Variants in JPH3 observed in about 807,000 individuals in gnomAD.
JPH3 encodes the protein junctophilin 3.
Under a neutral mutation model 59.6 loss-of-function variants are expected in JPH3, and 11 were observed. That is an observed-to-expected ratio of 0.18 (90% confidence interval 0.12 to 0.31). The LOEUF (loss-of-function observed/expected upper bound fraction) is 0.31, where lower values mean the gene tolerates loss of function less well. Among genes scored for constraint, JPH3 ranks in the 10% least tolerant of loss-of-function variants. JPH3 has a pLI of 1.00. For missense variants in JPH3, 1,202 were observed against 1,105.7 expected (o/e 1.09, Z -1.24); for synonymous variants, 673 against 483.6 (o/e 1.39, Z -5.14).
intron 3 of JPH3, among the ~76,000 whole-genome samples, chr16:87,685,979 G>A (rs11863673): frequency 0.12 from 18,764 of 152,150 alleles, 1,328 homozygotes; most frequent in African/African-American, 0.17. Context: ...GTGAGTCCTA[G>A]ATCCACGCGG....
chr16:87,690,575 C>T (rs753736905), intron 4 of JPH3, 49 bp downstream of exon 4: 4 of 1,417,814 alleles, frequency 2.8e-6, no homozygotes, highest in Non-Finnish European at 3.7e-6. Flanking sequence ...ACATCCACCT[C>T]TCTGCTGACC....
At position 87,611,902 on chromosome 16, in the gene JPH3, A is replaced by G. The variant is rs186100845; in HGVS notation, c.382+8374A>G. ...CTAAGAATGTCCCTGGGAGACGGTT[A>G]GAAATGCAGCGTGTCAGGCCTGCCT... On this transcript the variant is annotated intron_variant, in intron 1 of 4. Coordinates refer to ENST00000284262, the MANE Select transcript of JPH3 (RefSeq NM_020655.4). The surrounding 1 kb of genome is among the most constrained non-coding windows in gnomAD (Gnocchi z 4.5). Among the ~76,000 whole-genome samples the G allele has an allele frequency of 2.6e-5, 4 of 152,364 alleles. No homozygotes were observed. Among genetic ancestry groups the G allele is most frequent in the Admixed American group, 6.5e-5 (1 of 15,310 alleles).
At chr16:87,657,707 C>T (rs1040886749) in intron 2 of JPH3, among the ~76,000 whole-genome samples, 7 of 152,186 alleles carry the variant, frequency 4.6e-5, no homozygotes, top group South Asian at 4.1e-4. Context: ...GGGTGTGACC[C>T]TAGCTTACCC....
At chr16:87,654,947 C>A (rs1283606876) in intron 2 of JPH3, 2 of 152,242 alleles carry the variant, frequency 1.3e-5, no homozygotes, top group African/African-American at 4.8e-5. Flanking sequence ...TGCCGGAGTG[C>A]GGCTCCGGGA....
chr16:87,684,605 A>C, intron 3 of JPH3: 1 of 280,242 alleles, frequency 3.6e-6, no homozygotes, highest in East Asian at 9.2e-5. Flanking sequence ...TTGTTCTAGA[A>C]CCTTCTGGGA....
chr16:87,621,115 T>C (rs1465056804), intron 1 of JPH3, among the ~76,000 whole-genome samples: 1 of 152,146 alleles, frequency 6.6e-6, no homozygotes, highest in Admixed American at 6.5e-5. Flanking sequence ...GCCGAAATCG[T>C]GCCACTGCAC....
rs564897349 is a variant in JPH3 at position 87,674,362 on chromosome 16, G to A, written c.1161-9780G>A. Among the ~76,000 whole-genome samples the A allele has an allele frequency of 6.6e-5, 10 of 152,286 alleles. No homozygotes were observed. In the South Asian group the frequency reaches 2.1e-3, roughly 32 times the overall value. ...AAAAACAAAAACAAAAAAAAGCAGG[G>A]GCAGAACTGTGTGTGGTGGGCCAAC... On this transcript the variant is annotated intron_variant, in intron 2 of 4. Coordinates refer to ENST00000284262, the MANE Select transcript of JPH3 (RefSeq NM_020655.4).
At chr16:87,635,181 C>A (rs1011639013) in intron 1 of JPH3, among the ~76,000 whole-genome samples, 1 of 152,128 alleles carries the variant, frequency 6.6e-6, no homozygotes, top group African/African-American at 2.4e-5. Context: ...CTTGCTCCTC[C>A]CAGCAAAGCG....
intron 1 of JPH3, among the ~76,000 whole-genome samples, chr16:87,622,204 G>C (rs1056606861): frequency 2.6e-5 from 4 of 152,166 alleles, no homozygotes; most frequent in Non-Finnish European, 5.9e-5. Context: ...CCTGCCTTCC[G>C]AGGCCTCAGC....
At chr16:87,635,629 G>A (rs888687418) in intron 1 of JPH3, among the ~76,000 whole-genome samples, 7 of 152,238 alleles carry the variant, frequency 4.6e-5, no homozygotes, top group Middle Eastern at 3.2e-3. Context: ...AACAGGAAGG[G>A]AGGGGTACAG....
chr16:87,670,802 C>G (rs1030598364), intron 2 of JPH3, among the ~76,000 whole-genome samples: 1 of 152,172 alleles, frequency 6.6e-6, no homozygotes, highest in Non-Finnish European at 1.5e-5. Context: ...GGTGAAGACC[C>G]TGTTCCTATG....
intron 1 of JPH3, among the ~76,000 whole-genome samples, chr16:87,606,161 G>A (rs1266644755): frequency 1.3e-5 from 2 of 152,224 alleles, no homozygotes; most frequent in East Asian, 3.8e-4. Flanking sequence ...GTCAACTGGT[G>A]GGTGGTGACA....
At chr16:87,663,786 GT>G (rs1181702288) in intron 2 of JPH3, among the ~76,000 whole-genome samples, 2 of 152,186 alleles carry the variant, frequency 1.3e-5, no homozygotes, top group Non-Finnish European at 2.9e-5. Context: ...CCCAAGTGCC[GT>G]GTTAATGTGT....
At position 87,644,449 on chromosome 16, in the gene JPH3, T is replaced by G; in HGVS notation, c.574T>G (p.Ser192Ala). ...GGCGGTGGCCGGCAGCCCGGCCGTG[T>G]CCCGCGGGGGCTTCGTGCTCGTGGC... ...SPAVAGSPAV[S>A]RGGFVLVAHS... Residue 192 changes from serine (S) to alanine (A), a missense_variant, in exon 2 of 5, where the codon TCC becomes GCC. Physicochemically the swap from Ser to Ala is moderately conservative, Grantham distance 99. Transcript: ENST00000284262. 3 of 1,612,276 alleles carry G rather than the reference T, an allele frequency of 1.9e-6. No individual in the cohort carries two copies. Among genetic ancestry groups the G allele is most frequent in the Non-Finnish European group, 2.5e-6 (3 of 1,179,582 alleles).
At chr16:87,689,048 C>T (rs186342214) in intron 3 of JPH3, among the ~76,000 whole-genome samples, 75 of 152,274 alleles carry the variant, frequency 4.9e-4, no homozygotes, top group African/African-American at 1.6e-3. Context: ...CCCCTGGGTC[C>T]TGTGGTGACC....
At chr16:87,620,488 A>AGAGGAGGAGAGAAGAGAGG (rs2031143498) in intron 1 of JPH3, among the ~76,000 whole-genome samples, 1 of 99,906 alleles carries the variant, frequency 1.0e-5, no homozygotes, top group Non-Finnish European at 2.0e-5. Flanking sequence ...GAAGAGAGGG[A>AGAGGAGGAGAGAAGAGAGG]GAGGGGGAGG....
chr16:87,683,653 C>T (rs1209070804), intron 2 of JPH3, among the ~76,000 whole-genome samples: 2 of 151,504 alleles, frequency 1.3e-5, no homozygotes, highest in African/African-American at 4.9e-5. Context: ...ATTACCCAAG[C>T]TGGAGTGCAG....
chr16:87,675,865 C>T lies in JPH3; in HGVS notation c.1161-8277C>T, dbSNP rs554068079. 3.3e-5 allele frequency among the ~76,000 whole-genome samples: 5 copies of T among 152,334 alleles called. No homozygotes were observed. In the South Asian group the frequency reaches 8.3e-4, roughly 25 times the overall value. On this transcript the variant is annotated intron_variant, in intron 2 of 4. Coordinates refer to ENST00000284262, the MANE Select transcript of JPH3 (RefSeq NM_020655.4). ...ACACCCACTCCCATCCTATTTCGCA[C>T]CCCTTCCTCCAGGCTGCCTGCACCT... is the stretch of plus-strand genomic sequence containing the variant.
intron 4 of JPH3, chr16:87,694,085 C>G (rs1183908229): frequency 2.0e-5 from 3 of 152,374 alleles, no homozygotes; most frequent in African/African-American, 7.2e-5. Context: ...CTGCCCAGGG[C>G]ATGTTGGGGG....
Sources: gnomAD v4.1 joint callset for allele counts (sites outside exome capture counted in the v4.1 genomes callset) on GRCh38, gnomAD v4.1.1 for gene constraint, Gnocchi (gnomAD v3.1) non-coding constraint, MANE v1.5 for transcripts, NCBI Gene and HGNC (gene_info 2026-07-23, HGNC 2026-07-21) for gene names.